RNF38: variants seen among roughly 807,000 people sequenced by gnomAD.
The protein encoded by RNF38 is E3 ubiquitin-protein ligase RNF38.
A neutral mutation model predicts 67.2 loss-of-function variants in RNF38; 15 were observed. The ratio of observed to expected loss-of-function variants is 0.22; its 90% CI spans 0.15 to 0.34. The LOEUF is 0.34. Among genes scored for constraint, RNF38 ranks in the 10% least tolerant of loss-of-function variants. The pLI is 1.00. For missense variants in RNF38, 524 were observed against 639.9 expected, an observed-to-expected ratio of 0.82 and a Z score of 1.95; for synonymous variants, 220 against 218.8, an observed-to-expected ratio of 1.01 and a Z score of -0.05.
At chr9:36,353,720 C>A (rs2133516192) in intron 6 of RNF38, among the ~76,000 whole-genome samples, 1 of 152,250 alleles carries the variant, frequency 6.6e-6, no homozygotes, top group Non-Finnish European at 1.5e-5. Context: ...ACAGATGAAA[C>A]AAAACAGGAT....
rs56879945 is a variant in RNF38 at position 36,352,356 on chromosome 9, C to T, written c.1178+386G>A. On this transcript the variant is annotated intron_variant, in intron 8 of 11. Transcript: ENST00000259605. Reference sequence around the variant, plus strand: ...TACCCATGGGAATTTCTGTTACAGACCAACTTAATCCAAATAGAGTAGTTC... The same window carrying T: ...TACCCATGGGAATTTCTGTTACAGATCAACTTAATCCAAATAGAGTAGTTC... Among the ~76,000 whole-genome samples the T allele has an allele frequency of 3.8e-3, 570 of 151,118 alleles. 3 individuals carry two copies. The highest frequency in any genetic ancestry group is 0.013 in the African/African-American group (545 of 41,268).
chr9:36,403,578 T>C (rs1035006977), upstream of RNF38, among the ~76,000 whole-genome samples: 2 of 152,216 alleles, frequency 1.3e-5, no homozygotes, highest in Admixed American at 1.3e-4. Flanking sequence ...ACTACTGTTA[T>C]TCCAGAGCTA....
chr9:36,462,760 C>T (rs1433859152), intron 1 of RNF38, among the ~76,000 whole-genome samples: 1 of 151,842 alleles, frequency 6.6e-6, no homozygotes, highest in Non-Finnish European at 1.5e-5. Flanking sequence ...CCACAACTTC[C>T]GCCTCCCAGG....
intron 2 of RNF38, among the ~76,000 whole-genome samples, chr9:36,407,907 CTGT>C (rs1838222543): frequency 1.3e-5 from 2 of 151,912 alleles, no homozygotes; most frequent in Admixed American, 6.6e-5. Context: ...TTTTTAAATC[CTGT>C]ATTACATTTA....
intron 1 of RNF38, among the ~76,000 whole-genome samples, chr9:36,467,553 C>T (rs1388743514): frequency 6.6e-6 from 1 of 152,078 alleles, no homozygotes; most frequent in African/African-American, 2.4e-5. Flanking sequence ...TTCTGCTGCT[C>T]TCTGCTTCAA....
chr9:36,447,109 A>G (rs980185408), intron 1 of RNF38, among the ~76,000 whole-genome samples: 2 of 149,746 alleles, frequency 1.3e-5, no homozygotes, highest in African/African-American at 2.5e-5. Context: ...CCTGGGCAAC[A>G]GGGCAAGACT....
intron 1 of RNF38, among the ~76,000 whole-genome samples, chr9:36,426,745 T>A (rs919643790): frequency 2.0e-5 from 3 of 152,230 alleles, no homozygotes; most frequent in South Asian, 2.1e-4. Context: ...TCCTCTGGCA[T>A]TTTTTGAGTA....
At chr9:36,479,397 G>T (rs533654706) in intron 1 of RNF38, among the ~76,000 whole-genome samples, 16 of 152,262 alleles carry the variant, frequency 1.1e-4, no homozygotes, top group African/African-American at 3.9e-4. Context: ...GTTCAATATC[G>T]TTTGTGGGAA....
intron 4 of RNF38, among the ~76,000 whole-genome samples, chr9:36,368,650 T>C (rs973119941): frequency 2.6e-5 from 4 of 152,212 alleles, no homozygotes; most frequent in Non-Finnish European, 5.9e-5. Context: ...ACATGATCAA[T>C]TTTTAAGTGT....
chr9:36,451,432 C>T (rs1465810629), intron 1 of RNF38, among the ~76,000 whole-genome samples: 1 of 149,784 alleles, frequency 6.7e-6, no homozygotes, highest in Non-Finnish European at 1.5e-5. Context: ...CACCACTGCA[C>T]TCCTGCCTGT....
At chr9:36,446,409 T>C (rs1375572100) in intron 1 of RNF38, among the ~76,000 whole-genome samples, 3 of 152,240 alleles carry the variant, frequency 2.0e-5, no homozygotes, top group Admixed American at 6.5e-5. Flanking sequence ...CCCCTGTGTT[T>C]CCTGCACAAG....
At chr9:36,396,531 G>C (rs1837521823) in intron 1 of RNF38, among the ~76,000 whole-genome samples, 1 of 152,064 alleles carries the variant, frequency 6.6e-6, no homozygotes, top group Non-Finnish European at 1.5e-5. Context: ...TCTGGGAGCA[G>C]AGTTCTCTGA....
At chr9:36,406,085 TC>T (rs1445042941), upstream of RNF38, among the ~76,000 whole-genome samples, 1 of 152,208 alleles carries the variant, frequency 6.6e-6, no homozygotes, top group South Asian at 2.1e-4. Flanking sequence ...AATATCTGTT[TC>T]CTCCTGTTAA....
At chr9:36,389,744 T>C (rs1215946155) in intron 2 of RNF38, among the ~76,000 whole-genome samples, 2 of 152,188 alleles carry the variant, frequency 1.3e-5, no homozygotes, top group Admixed American at 6.5e-5. Context: ...AGTCCCAGCC[T>C]TGATGATCAA....
chr9:36,360,212 T>C (rs1267677995), intron 4 of RNF38, among the ~76,000 whole-genome samples: 3 of 152,210 alleles, frequency 2.0e-5, no homozygotes, highest in Non-Finnish European at 4.4e-5. Context: ...AAGTTTATTA[T>C]TAAATTTGTT....
At chr9:36,348,886 T>C (rs1232708415) in intron 9 of RNF38, among the ~76,000 whole-genome samples, 1 of 152,152 alleles carries the variant, frequency 6.6e-6, no homozygotes, top group African/African-American at 2.4e-5. Context: ...CAGCCCTATA[T>C]TGGAAGAGGA....
At chr9:36,443,184 G>A (rs966237393) in intron 1 of RNF38, among the ~76,000 whole-genome samples, 1 of 152,200 alleles carries the variant, frequency 6.6e-6, no homozygotes, top group South Asian at 2.1e-4. Context: ...AGCTCCTAGA[G>A]AGTGAAATAT....
chr9:36,413,945 T>C (rs1196289121), intron 2 of RNF38, among the ~76,000 whole-genome samples: 2 of 152,194 alleles, frequency 1.3e-5, no homozygotes, highest in Admixed American at 6.5e-5. Context: ...GATTATGATA[T>C]TTTCCTGTTG....
upstream of RNF38, among the ~76,000 whole-genome samples, chr9:36,403,638 A>T (rs1730291711): frequency 6.6e-6 from 1 of 152,216 alleles, no homozygotes; most frequent in Non-Finnish European, 1.5e-5. Flanking sequence ...ATATCAAAAC[A>T]TTGCTTACTG....
Sources: allele counts gnomAD v4.1 joint callset (sites outside exome capture counted in the v4.1 genomes callset), GRCh38; gene constraint gnomAD v4.1.1; transcripts MANE v1.5; gene names NCBI Gene and HGNC (gene_info 2026-07-23, HGNC 2026-07-21).